The following PDE8A variants were observed in gnomAD, a reference collection of about 807,000 sequenced individuals.
PDE8A encodes high affinity cAMP-specific and IBMX-insensitive 3',5'-cyclic phosphodiesterase 8A.
PDE8A carries 59 observed loss-of-function variants against 105.0 expected under a neutral mutation model. The observed-to-expected ratio is 0.56, with a 90% CI of 0.46 to 0.70. PDE8A has a LOEUF of 0.70. PDE8A is among the 30% of genes least tolerant of loss of function. PDE8A has a pLI of 0.00. For missense variants in PDE8A, 1,014 were observed against 1,045.9 expected (o/e 0.97, Z 0.42); for synonymous variants, 355 against 371.9 (o/e 0.95, Z 0.52).
At chr15:85,115,692 T>C in intron 15 of PDE8A, 1 of 535,088 alleles carries the variant, frequency 1.9e-6, no homozygotes, top group Non-Finnish European at 3.3e-6. Flanking sequence ...ACCGCCGAGA[T>C]GGGCAGATCA....
intron 8 of PDE8A, among the ~76,000 whole-genome samples, chr15:85,093,430 T>A (rs2081683160): frequency 6.6e-6 from 1 of 152,124 alleles, no homozygotes; most frequent in Non-Finnish European, 1.5e-5. Flanking sequence ...TATGGAACAG[T>A]GGCACTGTGA....
intron 1 of PDE8A, among the ~76,000 whole-genome samples, chr15:85,054,445 G>A (rs1326158315): frequency 6.6e-6 from 1 of 152,158 alleles, no homozygotes; most frequent in African/African-American, 2.4e-5. Context: ...AATCCATCAG[G>A]TACGGGACTT....
intron 8 of PDE8A, among the ~76,000 whole-genome samples, chr15:85,095,881 T>TTATA (rs201009571): frequency 5.4e-5 from 8 of 148,502 alleles, no homozygotes; most frequent in African/African-American, 2.0e-4. Flanking sequence ...TATATTTTTT[T>TTATA]TATATATATA....
upstream of PDE8A, among the ~76,000 whole-genome samples, chr15:84,981,740 G>C (rs1228264789): frequency 6.6e-6 from 1 of 151,134 alleles, no homozygotes; most frequent in African/African-American, 2.4e-5. Context: ...CCGGGAGCTC[G>C]CCTCCCCCGG....
intron 7 of PDE8A, 123 bp downstream of exon 7, chr15:85,089,539 T>G: frequency 1.8e-6 from 1 of 550,970 alleles, no homozygotes; most frequent in Non-Finnish European, 3.2e-6. Context: ...CAGTTTTTCC[T>G]TCGAGGATTA....
chr15:84,981,878 T>G lies in PDE8A; in HGVS notation c.-285T>G. On this transcript the variant is annotated 5_prime_UTR_variant, in exon 1 of 22. An upstream start codon of the reference 5' UTR is lost. Coordinates refer to ENST00000394553, the MANE Select transcript of PDE8A (RefSeq NM_002605.3). ...AGCGCGGCCGAGGCGAGCCCGGCGATGTGAGAGGCGGCCGTCGGCTCCTGC... is the reference window on the plus strand; with the variant it reads ...AGCGCGGCCGAGGCGAGCCCGGCGAGGTGAGAGGCGGCCGTCGGCTCCTGC... 20 of 206,360 alleles carry G rather than the reference T, an allele frequency of 9.7e-5. No individual in the cohort carries two copies. The highest frequency in any genetic ancestry group is 3.4e-4 in the East Asian group (3 of 8,780). 12.8% of individuals were successfully genotyped at this position (206,360 alleles called of 1,614,324 possible). A position where few individuals can be genotyped will look rare whatever the true frequency, so the allele number is the denominator to read the frequency against.
intron 1 of PDE8A, among the ~76,000 whole-genome samples, chr15:85,005,521 A>G (rs1474609062): frequency 6.6e-6 from 1 of 152,220 alleles, no homozygotes; most frequent in African/African-American, 2.4e-5. Flanking sequence ...GTCTTGAAAA[A>G]TATGCCCCCT....
At chr15:84,983,907 TGTGCTATCGCA>T (rs965719901) in intron 1 of PDE8A, among the ~76,000 whole-genome samples, 1 of 152,248 alleles carries the variant, frequency 6.6e-6, no homozygotes, top group African/African-American at 2.4e-5. Context: ...AGCTTGCTCT[TGTGCTATCGCA>T]GTGCCGTTAG....
Position 84,982,176 on chromosome 15 carries a change from C to A in PDE8A, c.14C>A (p.Pro5Gln). 2 of 1,478,180 alleles carry A rather than the reference C, an allele frequency of 1.4e-6. No individual in the cohort carries two copies. Among genetic ancestry groups the A allele is most frequent in the Middle Eastern group, 2.4e-4 (1 of 4,250 alleles). 91.6% of individuals were successfully genotyped at this position (1,478,180 alleles called of 1,614,324 possible). The change falls in exon 1 of 22, where the codon CCG becomes CAG. Residue 5 changes from proline (P) to glutamine (Q), a missense_variant. Coordinates refer to ENST00000394553, the MANE Select transcript of PDE8A (RefSeq NM_002605.3). ...GCCGCCGCCAGCATGGGCTGTGCCC[C>A]GAGCATCCACATTTCCGAGCGCCTG... Reference protein sequence around the residue: MGCAPSIHISERLVA... With the variant: MGCAQSIHISERLVA...
chr15:85,121,391 C>A (rs2082179855), intron 18 of PDE8A, among the ~76,000 whole-genome samples: 1 of 152,182 alleles, frequency 6.6e-6, no homozygotes, highest in African/African-American at 2.4e-5. Context: ...CCACTGCACT[C>A]CAGCTTGAGC....
intron 9 of PDE8A, among the ~76,000 whole-genome samples, chr15:85,098,879 C>T (rs2081806107): frequency 6.6e-6 from 1 of 151,766 alleles, no homozygotes; most frequent in African/African-American, 2.4e-5. Context: ...ATCGCTTGAT[C>T]TTGGGAGGTC....
At chr15:85,118,871 CAG>C (rs1177792209) in intron 17 of PDE8A, among the ~76,000 whole-genome samples, 3 of 152,206 alleles carry the variant, frequency 2.0e-5, no homozygotes, top group Admixed American at 1.3e-4. Flanking sequence ...CTGGCACACA[CAG>C]GGAGTGAACA....
chr15:85,006,837 C>T (rs2080156096), intron 1 of PDE8A, among the ~76,000 whole-genome samples: 1 of 152,094 alleles, frequency 6.6e-6, no homozygotes, highest in African/African-American at 2.4e-5. Context: ...GATGTCCCTT[C>T]TGGCATTAGA....
chr15:85,075,598 A>T (rs376024960), intron 3 of PDE8A, among the ~76,000 whole-genome samples: 1 of 152,240 alleles, frequency 6.6e-6, no homozygotes, highest in African/African-American at 2.4e-5. Context: ...CAAAGATCAG[A>T]ACAAGTAGAA....
intron 1 of PDE8A, among the ~76,000 whole-genome samples, chr15:84,997,048 C>T (rs1484865998): frequency 6.6e-6 from 1 of 152,048 alleles, no homozygotes; most frequent in African/African-American, 2.4e-5. Flanking sequence ...ATAATCTCAG[C>T]TTACTGTAAC....
rs1371077647 is a variant in PDE8A at position 85,100,057 on chromosome 15, C to T, written c.984C>T (p.Gly328=). The T allele has an allele frequency of 1.3e-5, 21 of 1,613,480 alleles. No homozygotes were observed. The highest frequency in any genetic ancestry group is 1.7e-5 in the Non-Finnish European group (20 of 1,179,628). The stretch of plus-strand genomic sequence containing the variant: ...TGTCCATTATCAGAGTGTGCAATGG[C>T]AACAATAAGGTACGTAAGGAGAGCC... ...HYVSIIRVCN[G]NNKAEKISEC... is the part of the protein sequence containing the mutation. The change falls in exon 10 of 22, where the codon GGC becomes GGT. Residue 328 remains glycine, a synonymous_variant. Transcript: ENST00000394553.
At chr15:85,000,913 A>G (rs1372575949) in intron 1 of PDE8A, among the ~76,000 whole-genome samples, 2 of 152,058 alleles carry the variant, frequency 1.3e-5, no homozygotes, top group Non-Finnish European at 1.5e-5. Flanking sequence ...CATTTTTCTA[A>G]CTCCCAGATA....
intron 7 of PDE8A, among the ~76,000 whole-genome samples, chr15:85,089,817 G>A (rs183763070): frequency 6.6e-6 from 1 of 152,108 alleles, no homozygotes; most frequent in African/African-American, 2.4e-5. Flanking sequence ...AAGATAATTT[G>A]CACTTACAGA....
intron 1 of PDE8A, among the ~76,000 whole-genome samples, chr15:85,024,514 A>G (rs1025911024): frequency 4.1e-5 from 6 of 147,898 alleles, no homozygotes; most frequent in Admixed American, 1.3e-4. Context: ...ACTAATTTCT[A>G]TGTGGGCCAG....
Sources: allele counts gnomAD v4.1 joint callset (sites outside exome capture counted in the v4.1 genomes callset), GRCh38; gene constraint gnomAD v4.1.1; transcripts MANE v1.5; gene names NCBI Gene and HGNC (gene_info 2026-07-23, HGNC 2026-07-21).